PTPN22: variants seen among roughly 807,000 people sequenced by gnomAD.
PTPN22 encodes tyrosine-protein phosphatase non-receptor type 22.
PTPN22 carries 85 observed loss-of-function variants against 103.3 expected under a neutral mutation model. The observed-to-expected ratio is 0.82, with a 90% CI of 0.69 to 0.99. The LOEUF (loss-of-function observed/expected upper bound fraction) is 0.99. Among genes scored for constraint, PTPN22 ranks in the 50% least tolerant of loss-of-function variants. The probability of loss-of-function intolerance (pLI) is 0.00; values close to 1 mark genes in which losing one functional copy is unlikely to be tolerated. For synonymous variants in PTPN22, 323 were observed against 310.2 expected, an observed-to-expected ratio of 1.04 and a Z score of -0.43; for missense variants, 865 against 936.9, an observed-to-expected ratio of 0.92 and a Z score of 1.00.
chr1:113,854,146 G>A (rs1043515417), intron 9 of PTPN22, among the ~76,000 whole-genome samples: 3 of 152,078 alleles, frequency 2.0e-5, no homozygotes, highest in Admixed American at 1.3e-4. Flanking sequence ...GATTACAGGC[G>A]TGAGCCACTG....
At chr1:113,863,910 T>A (rs1001052943) in intron 1 of PTPN22, among the ~76,000 whole-genome samples, 2 of 121,036 alleles carry the variant, frequency 1.7e-5, no homozygotes. Context: ...TTAATAAATA[T>A]ATATATATAT....
Position 113,829,717 on chromosome 1 carries a change from A to C in PTPN22, c.2135-10T>G. 1 of 1,498,884 alleles carries C rather than the reference A, an allele frequency of 6.7e-7. No individual in the cohort carries two copies. Among genetic ancestry groups the C allele is most frequent in the Non-Finnish European group, 9.1e-7 (1 of 1,100,884 alleles). The allele number at this position is 1,498,884 out of a possible 1,614,324, so 92.8% of individuals were successfully genotyped here. A position where few individuals can be genotyped will look rare whatever the true frequency, so the allele number is the denominator to read the frequency against. ...GATTGGGCCTGCATACCTTAAAAAA[A>C]AAAAAGGAGAAAAACATGTTCCATT... On this transcript the variant is annotated splice_polypyrimidine_tract_variant and intron_variant, in intron 17 of 20. Coordinates refer to ENST00000359785, the Ensembl canonical transcript of PTPN22.
intron 18 of PTPN22, among the ~76,000 whole-genome samples, chr1:113,828,779 G>C (rs541529496): frequency 6.6e-6 from 1 of 152,214 alleles, no homozygotes; most frequent in South Asian, 2.1e-4. Context: ...GGGACTGCAG[G>C]CACACAGCAC....
At chr1:113,841,866 G>A (rs960678115) in intron 11 of PTPN22, among the ~76,000 whole-genome samples, 3 of 152,062 alleles carry the variant, frequency 2.0e-5, no homozygotes, top group African/African-American at 7.2e-5. Flanking sequence ...GCCTCCCAAA[G>A]TGCTGGGATT....
At chr1:113,837,635 G>A in exon 13 of PTPN22, 1 of 1,602,224 alleles carries the variant, frequency 6.2e-7, no homozygotes, top group Admixed American at 1.7e-5. Context: ...ATATTGGTTG[G>A]AGAATTCAGT....
chr1:113,849,616 C>G (rs547020313), intron 10 of PTPN22, among the ~76,000 whole-genome samples: 1 of 149,338 alleles, frequency 6.7e-6, no homozygotes, highest in African/African-American at 2.5e-5. Context: ...GAGACACGGT[C>G]TCACCGTGTT....
At chr1:113,851,209 G>A (rs1664539397) in intron 10 of PTPN22, among the ~76,000 whole-genome samples, 1 of 151,370 alleles carries the variant, frequency 6.6e-6, no homozygotes, top group Non-Finnish European at 1.5e-5. Context: ...CTGGAGTGCA[G>A]TCGTGTGATC....
intron 11 of PTPN22, among the ~76,000 whole-genome samples, chr1:113,842,888 T>A (rs1296348883): frequency 2.7e-5 from 4 of 149,558 alleles, no homozygotes; most frequent in Admixed American, 2.0e-4. Context: ...GATCACGAGG[T>A]CAGGAGATCG....
intron 15 of PTPN22, 71 bp downstream of exon 15, chr1:113,834,238 G>T: frequency 6.9e-7 from 1 of 1,449,802 alleles, no homozygotes; most frequent in Non-Finnish European, 9.5e-7. Flanking sequence ...AATGATGGGT[G>T]TTAAAAATAC....
chr1:113,822,325 T>G (rs906881862), intron 19 of PTPN22, among the ~76,000 whole-genome samples: 5 of 152,216 alleles, frequency 3.3e-5, no homozygotes, highest in African/African-American at 1.2e-4. Flanking sequence ...TTTATACTTT[T>G]CTGTGAAGCA....
intron 18 of PTPN22, among the ~76,000 whole-genome samples, chr1:113,826,659 ATTTTTT>A (rs10563752): frequency 7.9e-5 from 5 of 63,098 alleles, no homozygotes; most frequent in Admixed American, 2.4e-4. Flanking sequence ...GGAGTCTCTA[ATTTTTT>A]TTTTTTTTTT....
At chr1:113,854,411 T>G (rs1664873164) in intron 9 of PTPN22, 60 bp downstream of exon 9, 5 of 1,460,240 alleles carry the variant, frequency 3.4e-6, no homozygotes, top group Non-Finnish European at 4.8e-6. Flanking sequence ...AACCAAACAA[T>G]TACTAAGTAT....
intron 1 of PTPN22, among the ~76,000 whole-genome samples, chr1:113,861,464 A>G (rs1276676975): frequency 6.6e-6 from 1 of 151,664 alleles, no homozygotes; most frequent in Non-Finnish European, 1.5e-5. Flanking sequence ...ATGGTCTGGA[A>G]CTCCTGACCT....
At chr1:113,848,554 G>C (rs1280147507) in exon 11 of PTPN22, 2 of 1,613,186 alleles carry the variant, frequency 1.2e-6, no homozygotes, top group African/African-American at 2.7e-5. Flanking sequence ...GTTCCAGAAT[G>C]TTTATCTCTG....
chr1:113,861,103 A>C (rs1665544087), intron 1 of PTPN22, among the ~76,000 whole-genome samples: 1 of 152,232 alleles, frequency 6.6e-6, no homozygotes, highest in Non-Finnish European at 1.5e-5. Flanking sequence ...CACTCTTAGC[A>C]AAACATCACA....
At chr1:113,857,371 A>G (rs1665172039) in intron 5 of PTPN22, among the ~76,000 whole-genome samples, 1 of 152,232 alleles carries the variant, frequency 6.6e-6, no homozygotes, top group African/African-American at 2.4e-5. Flanking sequence ...CAGTCACATT[A>G]GCCATATTTT....
chr1:113,856,469 TA>T, intron 6 of PTPN22, 28 bp from the exon 7 acceptor site: 1 of 1,612,638 alleles, frequency 6.2e-7, no homozygotes, highest in Non-Finnish European at 8.5e-7. Flanking sequence ...ACTCAAGTAT[TA>T]GTGATTGCAA....
At chr1:113,858,406 C>T (rs1306800428) in intron 4 of PTPN22, 72 bp downstream of exon 4, 2 of 1,131,942 alleles carry the variant, frequency 1.8e-6, no homozygotes, top group South Asian at 1.5e-5. Context: ...TGAAGTTCCA[C>T]TGACCAATTT....
chr1:113,850,220 GGAAGGAAGGA>G (rs1664452159), intron 10 of PTPN22, among the ~76,000 whole-genome samples: 1 of 124,238 alleles, frequency 8.0e-6, no homozygotes, highest in Non-Finnish European at 1.6e-5. Flanking sequence ...AAGGAAGGAA[GGAAGGAAGGA>G]AGGAAGGAAG....
Sources: allele counts gnomAD v4.1 joint callset (sites outside exome capture counted in the v4.1 genomes callset), GRCh38; gene constraint gnomAD v4.1.1; transcripts MANE v1.5; gene names NCBI Gene and HGNC (gene_info 2026-07-23, HGNC 2026-07-21).